The following ZNF200 variants were observed in gnomAD, a reference collection of about 807,000 sequenced individuals.
ZNF200 encodes the protein zinc finger protein 200.
A neutral mutation model predicts 33.6 loss-of-function variants in ZNF200; 35 were observed. That is an observed-to-expected ratio of 1.04 (90% CI 0.80 to 1.38). The LOEUF is 1.38. ZNF200 is among the 40% of genes most tolerant of loss of function. The probability of loss-of-function intolerance (pLI) is 0.00; values close to 1 mark genes in which losing one functional copy is unlikely to be tolerated. For missense variants in ZNF200, 592 were observed against 470.6 expected (o/e 1.26, Z -2.39); for synonymous variants, 209 against 167.7 (o/e 1.25, Z -1.90).
chr16:3,225,924 T>G (rs1958457077), intron 4 of ZNF200: 1 of 151,706 alleles, frequency 6.6e-6, no homozygotes, highest in Non-Finnish European at 1.5e-5. Flanking sequence ...TTTTTTTTTT[T>G]TGGCAGAGAT....
chr16:3,233,456 C>G (rs781511761), intron 2 of ZNF200, 50 bp downstream of exon 2: 1 of 1,499,564 alleles, frequency 6.7e-7, no homozygotes. Flanking sequence ...CTATCTTAGA[C>G]TCCAGTACCT....
rs568394439 is a variant in ZNF200 at position 3,229,788 on chromosome 16, C to T, written c.466+2633G>A. On this transcript the variant is annotated intron_variant, in intron 4 of 4. Coordinates refer to ENST00000414144, the MANE Select transcript of ZNF200 (RefSeq NM_198088.3). ...GCTGAGGCAGGAGAATGGCATGAAC[C>T]GCAGGGGGCGGAGACTGCAGGAAGC... Among the ~76,000 whole-genome samples, 24 of 152,044 alleles carry T rather than the reference C, an allele frequency of 1.6e-4. No homozygotes were observed. The South Asian group carries it at 1.7e-3, about 11-fold the overall frequency.
chr16:3,226,663 ACTTGG>A (rs1232980172), intron 4 of ZNF200: 7 of 152,172 alleles, frequency 4.6e-5, no homozygotes, highest in African/African-American at 1.7e-4. Context: ...CTTTAACTAC[ACTTGG>A]ACTGCTTCCA....
chr16:3,229,840 T>G (rs1472628570), intron 4 of ZNF200, among the ~76,000 whole-genome samples: 1 of 151,020 alleles, frequency 6.6e-6, no homozygotes, highest in Non-Finnish European at 1.5e-5. Context: ...CACTCCAGCC[T>G]AGGTGACAGC....
chr16:3,232,411 G>A lies in ZNF200; in HGVS notation c.466+10C>T, dbSNP rs533748209. ...AACAACCTGAACACACAAAGGCTGT[G>A]ATTTCTTACCCAGTAACATCATTTC... On this transcript the variant is annotated intron_variant, in intron 4 of 4. Coordinates refer to ENST00000414144, the MANE Select transcript of ZNF200 (RefSeq NM_198088.3). 5.6e-6 allele frequency: 9 copies of A among 1,612,794 alleles called. No homozygotes were observed. In the East Asian group the frequency reaches 1.6e-4, roughly 28 times the overall value.
rs1395283533 is a variant in ZNF200 at position 3,223,040 on chromosome 16, TG to T, written c.*851del. The T allele has an allele frequency of 6.6e-6, 1 of 152,288 alleles. No individual in the cohort carries two copies. Among genetic ancestry groups the T allele is most frequent in the African/African-American group, 2.4e-5 (1 of 41,452 alleles). 9.4% of individuals were successfully genotyped at this position (152,288 alleles called of 1,614,324 possible). A position where few individuals can be genotyped will look rare whatever the true frequency, so the allele number is the denominator to read the frequency against. On this transcript the variant is annotated 3_prime_UTR_variant, in exon 5 of 5. Coordinates refer to ENST00000414144, the MANE Select transcript of ZNF200 (RefSeq NM_198088.3). ...AGGTTGACCCTTCCTCTCTGGGTCT[TG>T]GGGTTTCCTTCGTAGCACATGAGAT...
chr16:3,226,602 T>C (rs2141621843), intron 4 of ZNF200: 1 of 152,384 alleles, frequency 6.6e-6, no homozygotes, highest in South Asian at 2.1e-4. Flanking sequence ...TATAAATGTA[T>C]ATCTTTGTCA....
chr16:3,223,647 A>T lies in ZNF200; in HGVS notation c.*245T>A, dbSNP rs1388386884. 1 of 465,478 alleles carries T rather than the reference A, an allele frequency of 2.1e-6. No individual in the cohort carries two copies. Among genetic ancestry groups the T allele is most frequent in the Non-Finnish European group, 3.7e-6 (1 of 269,596 alleles). The allele number at this position is 465,478 out of a possible 1,614,324, so 28.8% of individuals were successfully genotyped here. On this transcript the variant is annotated 3_prime_UTR_variant, in exon 5 of 5. Coordinates refer to ENST00000414144, the MANE Select transcript of ZNF200 (RefSeq NM_198088.3). The stretch of plus-strand genomic sequence containing the variant: ...TCTGTGACCTGTACATTATCATATA[A>T]CTTCAAAAAGGAAAGCTCCTTAGTC...
At position 3,222,638 on chromosome 16, in the gene ZNF200, C is replaced by T. The variant is rs1173051570; in HGVS notation, c.*1254G>A. ...TTTTCCCAAATAGCTTATAGGATTTCTTTATTCCAATCAAAACACCAATGT... is the reference window on the plus strand; with the variant it reads ...TTTTCCCAAATAGCTTATAGGATTTTTTTATTCCAATCAAAACACCAATGT... On this transcript the variant is annotated 3_prime_UTR_variant, in exon 5 of 5. Transcript: ENST00000414144. The T allele has an allele frequency of 1.3e-5, 2 of 151,974 alleles. No homozygotes were observed. Among genetic ancestry groups the T allele is most frequent in the Non-Finnish European group, 1.5e-5 (1 of 67,898 alleles). 9.4% of individuals were successfully genotyped at this position (151,974 alleles called of 1,614,324 possible). A position where few individuals can be genotyped will look rare whatever the true frequency, so the allele number is the denominator to read the frequency against.
intron 4 of ZNF200, chr16:3,224,854 C>G: frequency 1.9e-6 from 1 of 527,636 alleles, no homozygotes; most frequent in Non-Finnish European, 3.3e-6. Context: ...CACTGAAAGA[C>G]TTCAAATGTT....
Position 3,232,931 on chromosome 16 carries a change from G to C in ZNF200, c.251-10C>G. The C allele has an allele frequency of 1.2e-6, 2 of 1,613,090 alleles. No homozygotes were observed. The highest frequency in any genetic ancestry group is 1.7e-6 in the Non-Finnish European group (2 of 1,179,332). On this transcript the variant is annotated splice_polypyrimidine_tract_variant and intron_variant, in intron 2 of 4. Coordinates refer to ENST00000414144, the MANE Select transcript of ZNF200 (RefSeq NM_198088.3). ...AAGGGACGAGGATGCACTGGGGAAA[G>C]AGGAAGGTTTAGTTAGTGAAAAACT...
chr16:3,222,400 G>T lies in ZNF200; in HGVS notation c.*1492C>A, dbSNP rs1470860209. 2.0e-5 allele frequency: 3 copies of T among 151,992 alleles called. No individual in the cohort carries two copies. Among genetic ancestry groups the T allele is most frequent in the Non-Finnish European group, 4.4e-5 (3 of 67,982 alleles). The allele number at this position is 151,992 out of a possible 1,614,324, so 9.4% of individuals were successfully genotyped here. ...AACAGAACTAAACCAACAAACTATT[G>T]AAAATTAACAACAGTGAGATGACTA... On this transcript the variant is annotated 3_prime_UTR_variant, in exon 5 of 5. Coordinates refer to ENST00000414144, the MANE Select transcript of ZNF200 (RefSeq NM_198088.3).
intron 4 of ZNF200, chr16:3,225,674 A>G (rs926232292): frequency 2.0e-5 from 3 of 152,122 alleles, no homozygotes; most frequent in Non-Finnish European, 4.4e-5. Context: ...GGCTTTTTCT[A>G]TATTTCCATT....
chr16:3,233,086 G>A (rs1047781434), intron 2 of ZNF200, among the ~76,000 whole-genome samples, 165 bp from the exon 3 acceptor site: 1 of 152,134 alleles, frequency 6.6e-6, no homozygotes, highest in African/African-American at 2.4e-5. Flanking sequence ...CTAGGGTCTT[G>A]AACCTATGGC....
rs1958770881 is a variant in ZNF200 at position 3,235,135 on chromosome 16, G to T, written c.-230C>A. 3.9e-5 allele frequency: 6 copies of T among 152,208 alleles called. No homozygotes were observed. Among genetic ancestry groups the T allele is most frequent in the Admixed American group, 1.3e-4 (2 of 15,288 alleles). The allele number at this position is 152,208 out of a possible 1,614,324, so 9.4% of individuals were successfully genotyped here. On this transcript the variant is annotated 5_prime_UTR_variant, in exon 1 of 5. Transcript: ENST00000414144. The stretch of plus-strand genomic sequence containing the variant: ...ACAGGTCGCCGGCGACTATTCGTTC[G>T]CGCCGCCGCCAGTTGAGGAGAACGG...
intron 4 of ZNF200, among the ~76,000 whole-genome samples, chr16:3,230,788 C>G (rs969397204): frequency 1.3e-5 from 2 of 152,208 alleles, no homozygotes; most frequent in African/African-American, 4.8e-5. Flanking sequence ...TTCCAAATAT[C>G]TGGAGGATAA....
At chr16:3,228,040 ATT>A (rs71158155) in intron 4 of ZNF200, among the ~76,000 whole-genome samples, 60,340 of 149,492 alleles carry the variant, frequency 0.4, 12,401 homozygotes, top group East Asian at 0.57. Context: ...AAAACATAGT[ATT>A]TTTTTTTTTT....
In ZNF200 at chr16:3,222,477, A is replaced by G. The variant is rs1958353111; in HGVS notation, c.*1415T>C. On this transcript the variant is annotated 3_prime_UTR_variant, in exon 5 of 5. Transcript: ENST00000414144. The stretch of plus-strand genomic sequence containing the variant: ...TCCCATGTAAAAGCAATAATCAACT[A>G]TAAAAATATAATGGAAAAAACTACA... 1 of 152,334 alleles carries G rather than the reference A, an allele frequency of 6.6e-6. No individual in the cohort carries two copies. The highest frequency in any genetic ancestry group is 6.5e-5 in the Admixed American group (1 of 15,288). 9.4% of individuals were successfully genotyped at this position (152,334 alleles called of 1,614,324 possible). A position where few individuals can be genotyped will look rare whatever the true frequency, so the allele number is the denominator to read the frequency against.
chr16:3,224,409 T>A lies in ZNF200; in HGVS notation c.671A>T (p.Asn224Ile). 6.2e-7 allele frequency: 1 copy of A among 1,614,228 alleles called. No homozygotes were observed. ...TGAGAGTTCCTCTAGAGGAGTATCA[T>A]TCTCAATGGTAACTAACAGATTTCT... The part of the protein sequence containing the change: ...KMRNLLVTIE[N>I]DTPLEELSKY... The change falls in exon 5 of 5, where the codon AAT becomes ATT. Residue 224 changes from asparagine (N) to isoleucine (I), a missense_variant. By Grantham distance (149) the Asn-to-Ile change is moderately radical (BLOSUM62 -3). Coordinates refer to ENST00000414144, the MANE Select transcript of ZNF200 (RefSeq NM_198088.3).
Sources: allele counts gnomAD v4.1 joint callset (sites outside exome capture counted in the v4.1 genomes callset), GRCh38; gene constraint gnomAD v4.1.1; transcripts MANE v1.5; gene names NCBI Gene and HGNC (gene_info 2026-07-23, HGNC 2026-07-21).